EPS8L1: variants seen among roughly 807,000 people sequenced by gnomAD.
EPS8L1 encodes EPS8 signaling adaptor L1, also known as epidermal growth factor receptor kinase substrate 8-like protein 1.
EPS8L1 carries 101 observed loss-of-function variants against 91.7 expected under a neutral mutation model. The ratio of observed to expected loss-of-function variants is 1.10; its 90% CI spans 0.94 to 1.30. EPS8L1 has a LOEUF of 1.30. Among genes scored for constraint, EPS8L1 ranks in the 50% most tolerant of loss-of-function variants. The pLI is 0.00. For synonymous variants in EPS8L1, 506 were observed against 445.3 expected, an observed-to-expected ratio of 1.14 and a Z score of -1.72; for missense variants, 1,114 against 1,017.0, an observed-to-expected ratio of 1.10 and a Z score of -1.30.
rs530591232 is a variant in EPS8L1 at position 55,087,481 on chromosome 19, C to G, written c.2085+46C>G. Reference sequence around the variant, plus strand: ...CTGGGTCTGGGTAGGGTTGGGATGACGAGGGCTCGGACGCCAGGACAAAGC... The same window carrying G: ...CTGGGTCTGGGTAGGGTTGGGATGAGGAGGGCTCGGACGCCAGGACAAAGC... On this transcript the variant is annotated intron_variant, in intron 19 of 19. Transcript: ENST00000201647. 1.9e-6 allele frequency: 3 copies of G among 1,614,044 alleles called. No homozygotes were observed. In the African/African-American group the frequency reaches 4.0e-5, roughly 22 times the overall value.
At chr19:55,084,741 C>G (rs1303450975) in intron 14 of EPS8L1, 1 of 152,216 alleles carries the variant, frequency 6.6e-6, no homozygotes, top group East Asian at 1.9e-4. Flanking sequence ...GGTCCCTGTT[C>G]ACAGCTTCAA....
At chr19:55,087,232 G>A in intron 18 of EPS8L1, 71 bp from the exon 19 acceptor site, 1 of 1,526,186 alleles carries the variant, frequency 6.6e-7, no homozygotes, top group South Asian at 1.2e-5. Flanking sequence ...TCGCCGGGTG[G>A]GCGTGACATG....
intron 17 of EPS8L1, 79 bp from the exon 18 acceptor site, chr19:55,086,635 G>GGCCCCC: frequency 2.8e-5 from 37 of 1,307,656 alleles, no homozygotes; most frequent in Non-Finnish European, 3.4e-5. Context: ...ACGCTGGAGC[G>GGCCCCC]CCCCCCCGCC....
At chr19:55,076,255 C>G in intron 1 of EPS8L1, 153 bp from the exon 2 acceptor site, 1 of 620,486 alleles carries the variant, frequency 1.6e-6, no homozygotes, top group Non-Finnish European at 2.7e-6. Context: ...GGGGCCTGGA[C>G]TTCTGGGTCT....
rs2076264559 is a variant in EPS8L1 at position 55,081,642 on chromosome 19, T to C, written c.775-131T>C. The C allele has an allele frequency of 6.5e-6, 9 of 1,381,000 alleles. No individual in the cohort carries two copies. The East Asian group carries it at 1.0e-4, about 15-fold the overall frequency. 85.5% of individuals were successfully genotyped at this position (1,381,000 alleles called of 1,614,324 possible). A position where few individuals can be genotyped will look rare whatever the true frequency, so the allele number is the denominator to read the frequency against. ...GGGCTGGGTCGGGGGCGGGGCTTGG[T>C]TGTGGGGCGTGGCCAGGTGTTTGGG... On this transcript the variant is annotated intron_variant, in intron 8 of 19. Coordinates refer to ENST00000201647, the MANE Select transcript of EPS8L1 (RefSeq NM_133180.3). This position sits in a 1 kb window ranked among gnomAD's most constrained non-coding sequence, Gnocchi z 4.9.
chr19:55,076,121 G>A lies in EPS8L1; in HGVS notation c.-38+202G>A, dbSNP rs1473574430. 2.8e-3 allele frequency among the ~76,000 whole-genome samples: 353 copies of A among 126,990 alleles called. 7 individuals are homozygous for A. The highest frequency in any genetic ancestry group is 4.0e-3 in the Non-Finnish European group (222 of 55,920). 83.3% of individuals were successfully genotyped at this position (126,990 alleles called of 152,430 possible). A position where few individuals can be genotyped will look rare whatever the true frequency, so the allele number is the denominator to read the frequency against. ...GCTGAGGGCCTGGACTCCTGGGTCT[G>A]AGGGAGGAGGAGATGGGGCCTGGAC... On this transcript the variant is annotated intron_variant, in intron 1 of 19. Transcript: ENST00000201647.
intron 4 of EPS8L1, 146 bp from the exon 5 acceptor site, chr19:55,079,544 G>A: frequency 1.1e-6 from 1 of 914,508 alleles, no homozygotes; most frequent in Non-Finnish European, 1.6e-6. Flanking sequence ...CTGGGAGGAG[G>A]AGCTGATTTG....
rs767848343 is a variant in EPS8L1 at position 55,082,458 on chromosome 19, T to C, written c.1070T>C (p.Val357Ala). 8 of 1,612,156 alleles carry C rather than the reference T, an allele frequency of 5.0e-6. No homozygotes were observed. The highest frequency in any genetic ancestry group is 6.8e-6 in the Non-Finnish European group (8 of 1,179,458). The change falls in exon 12 of 20, where the codon GTG becomes GCG. Residue 357 changes from valine to alanine, a missense_variant. Coordinates refer to ENST00000201647, the MANE Select transcript of EPS8L1 (RefSeq NM_133180.3). ...HFLFGPLQMI[V>A]NTSGGPEFAS... ...CCCCTCCTGCTCCCCTGACAGATTG[T>C]GAACACGTCGGGGGGGCCGGAGTTC...
intron 2 of EPS8L1, 96 bp downstream of exon 2, chr19:55,076,557 G>A (rs1230198974): frequency 7.0e-7 from 1 of 1,426,718 alleles, no homozygotes; most frequent in African/African-American, 1.4e-5. Context: ...CAGACTGTTT[G>A]CGGCGGCCCA....
At chr19:55,076,128 GAGGA>G (rs1389725548) in intron 1 of EPS8L1, among the ~76,000 whole-genome samples, 1,203 of 91,890 alleles carry the variant, frequency 0.013, 1 homozygote, top group South Asian at 0.016. Context: ...TCTGAGGGAG[GAGGA>G]GATGGGGCCT....
In EPS8L1 at chr19:55,083,821, T is replaced by C. The variant is rs766934946; in HGVS notation, c.1385+177T>C. On this transcript the variant is annotated intron_variant, in intron 14 of 19. Coordinates refer to ENST00000201647, the MANE Select transcript of EPS8L1 (RefSeq NM_133180.3). The surrounding 1 kb of genome is among the most constrained non-coding windows in gnomAD (Gnocchi z 4.7). ...GGCTGGGAGAGAGGGAGGAGCAGGG[T>C]GGGAGGGGGCGGGACCCAGACTTCT... 1 of 73,594 alleles carries C rather than the reference T, an allele frequency of 1.4e-5. No individual in the cohort carries two copies. Among genetic ancestry groups the C allele is most frequent in the African/African-American group, 2.6e-4 (1 of 3,782 alleles). The allele number at this position is 73,594 out of a possible 1,614,324, so 4.6% of individuals were successfully genotyped here. A position where few individuals can be genotyped will look rare whatever the true frequency, so the allele number is the denominator to read the frequency against.
Position 55,083,233 on chromosome 19 carries a change from AC to A in EPS8L1, c.1215-143del. On this transcript the variant is annotated intron_variant, in intron 12 of 19. Transcript: ENST00000201647. This position sits in a 1 kb window ranked among gnomAD's most constrained non-coding sequence, Gnocchi z 4.7. ...TTGCTGTTGAGTTGGGCTTAGAGCT[AC>A]CGGCAGGACTTGGTGAAAAGTGGCG... The A allele has an allele frequency of 5.5e-6, 6 of 1,095,188 alleles. No homozygotes were observed. Among genetic ancestry groups the A allele is most frequent in the Non-Finnish European group, 7.9e-6 (6 of 760,148 alleles). The allele number at this position is 1,095,188 out of a possible 1,614,324, so 67.8% of individuals were successfully genotyped here.
chr19:55,082,986 G>A (rs1319457328), intron 12 of EPS8L1, among the ~76,000 whole-genome samples: 2 of 152,108 alleles, frequency 1.3e-5, no homozygotes, highest in Admixed American at 6.5e-5. Flanking sequence ...GCAGGGAAAG[G>A]GTCAGAACCT....
In EPS8L1 at chr19:55,081,385, G is replaced by A. The variant is rs1194916337; in HGVS notation, c.667G>A (p.Ala223Thr). ...QAKPIPEAEE[A>T]QRPEPVGTSS... ...GAAGCCCATTCCCGAGGCAGAGGAGGCGCAGAGGCCTGAGCCGGTGGGGAC... is the reference window on the plus strand; with the variant it reads ...GAAGCCCATTCCCGAGGCAGAGGAGACGCAGAGGCCTGAGCCGGTGGGGAC... Residue 223 changes from alanine to threonine, a missense_variant, in exon 8 of 20, where the codon GCG (alanine) becomes ACG (threonine). Coordinates refer to ENST00000201647, the MANE Select transcript of EPS8L1 (RefSeq NM_133180.3). The surrounding 1 kb of genome is among the most constrained non-coding windows in gnomAD (Gnocchi z 4.9). 1.3e-6 allele frequency: 2 copies of A among 1,581,172 alleles called. No homozygotes were observed. The highest frequency in any genetic ancestry group is 8.6e-7 in the Non-Finnish European group (1 of 1,166,264).
Position 55,083,737 on chromosome 19 carries a change from T to G in EPS8L1, c.1385+93T>G. ...GACTCCGCCCCCTTTTTTTCTGTGT[T>G]TTTCCTTCTGTCTTCCTGGCTCTTC... On this transcript the variant is annotated intron_variant, in intron 14 of 19. Coordinates refer to ENST00000201647, the MANE Select transcript of EPS8L1 (RefSeq NM_133180.3). This position sits in a 1 kb window ranked among gnomAD's most constrained non-coding sequence, Gnocchi z 4.7. The G allele has an allele frequency of 6.5e-7, 1 of 1,528,382 alleles. No homozygotes were observed. Among genetic ancestry groups the G allele is most frequent in the Non-Finnish European group, 8.9e-7 (1 of 1,126,764 alleles). 94.7% of individuals were successfully genotyped at this position (1,528,382 alleles called of 1,614,324 possible).
chr19:55,086,954 G>A (rs928599117), intron 18 of EPS8L1, 66 bp downstream of exon 18: 12 of 1,397,998 alleles, frequency 8.6e-6, no homozygotes, highest in Non-Finnish European at 1.1e-5. Context: ...CGTTCCGATC[G>A]GCCGGGAGTC....
rs1174292599 is a variant in EPS8L1, at chr19:55,087,794, G to C, written c.*180G>C. On this transcript the variant is annotated 3_prime_UTR_variant, in exon 20 of 20. Transcript: ENST00000201647. ...GCTGCAGTCCCTCCGGAGAGGATCTGGACTGGCTGGGAGTGGGGAGGGCGT... is the reference window on the plus strand; with the variant it reads ...GCTGCAGTCCCTCCGGAGAGGATCTCGACTGGCTGGGAGTGGGGAGGGCGT... 3.0e-6 allele frequency: 2 copies of C among 677,846 alleles called. No individual in the cohort carries two copies. Among genetic ancestry groups the C allele is most frequent in the Non-Finnish European group, 5.1e-6 (2 of 391,666 alleles). The allele number at this position is 677,846 out of a possible 1,614,324, so 42.0% of individuals were successfully genotyped here. A position where few individuals can be genotyped will look rare whatever the true frequency, so the allele number is the denominator to read the frequency against.
At chr19:55,076,370 C>T in intron 1 of EPS8L1, 38 bp from the exon 2 acceptor site, 2 of 1,580,588 alleles carry the variant, frequency 1.3e-6, no homozygotes, top group Non-Finnish European at 1.7e-6. Flanking sequence ...ATTAGAGGCT[C>T]CTACTGGCCA....
chr19:55,080,000 A>T (rs1315310168), intron 5 of EPS8L1, 129 bp from the exon 6 acceptor site: 2 of 1,435,886 alleles, frequency 1.4e-6, no homozygotes, highest in Non-Finnish European at 1.8e-6. Context: ...CTCATCTATT[A>T]AACAGGGCTG....
Sources: allele counts gnomAD v4.1 joint callset (sites outside exome capture counted in the v4.1 genomes callset), GRCh38; gene constraint gnomAD v4.1.1; non-coding constraint Gnocchi (gnomAD v3.1); transcripts MANE v1.5; gene names NCBI Gene and HGNC (gene_info 2026-07-23, HGNC 2026-07-21).